Variants in FBXO25 observed in about 807,000 individuals in gnomAD.
The protein encoded by FBXO25 is F-box protein 25, also known as F-box only protein 25.
A neutral mutation model predicts 51.9 loss-of-function variants in FBXO25; 45 were observed. The observed-to-expected ratio is 0.87, with a 90% confidence interval of 0.68 to 1.11. FBXO25 has a LOEUF of 1.11. Among genes scored for constraint, FBXO25 ranks in the 50% most tolerant of loss-of-function variants. FBXO25 has a pLI of 0.00. For missense variants in FBXO25, 507 were observed against 428.5 expected, an observed-to-expected ratio of 1.18 and a Z score of -1.62; for synonymous variants, 199 against 151.0, an observed-to-expected ratio of 1.32 and a Z score of -2.33.
At position 470,630 on chromosome 8, in the gene FBXO25, C is replaced by T. The variant is rs1800452374; in HGVS notation, c.*1826C>T. ...GTTTGAGCTCAAGCAATCCACCTGC[C>T]TCAGCTTCCCAAAGTGCTGGGATTA... On this transcript the variant is annotated 3_prime_UTR_variant, in exon 10 of 10. Coordinates refer to ENST00000350302, the MANE Select transcript of FBXO25 (RefSeq NM_183420.2). 1 of 152,250 alleles carries T rather than the reference C, an allele frequency of 6.6e-6. No individual in the cohort carries two copies. Among genetic ancestry groups the T allele is most frequent in the Admixed American group, 6.5e-5 (1 of 15,288 alleles). 9.4% of individuals were successfully genotyped at this position (152,250 alleles called of 1,614,324 possible).
chr8:468,540 A>G (rs1800339690), intron 9 of FBXO25, among the ~76,000 whole-genome samples, 175 bp from the exon 10 acceptor site: 2 of 152,124 alleles, frequency 1.3e-5, no homozygotes, highest in South Asian at 4.2e-4. Flanking sequence ...ACCTCTATGT[A>G]GAATCGGCTG....
chr8:466,695 C>A (rs55753702), intron 9 of FBXO25, among the ~76,000 whole-genome samples: 1 of 151,886 alleles, frequency 6.6e-6, no homozygotes, highest in Non-Finnish European at 1.5e-5. Context: ...TGCTGTGGAG[C>A]CACTTCATCT....
intron 9 of FBXO25, among the ~76,000 whole-genome samples, chr8:463,738 C>G (rs1799965716): frequency 6.6e-6 from 1 of 152,148 alleles, no homozygotes; most frequent in African/African-American, 2.4e-5. Flanking sequence ...CCAGTTACTT[C>G]CTGTTCTCAC....
chr8:410,636 C>G (rs372142217), intron 1 of FBXO25, among the ~76,000 whole-genome samples: 2 of 152,206 alleles, frequency 1.3e-5, no homozygotes, highest in African/African-American at 4.8e-5. Flanking sequence ...CAGCTGTATG[C>G]TATTAGAGAC....
chr8:438,585 G>C (rs992764203), intron 5 of FBXO25, among the ~76,000 whole-genome samples: 1 of 152,190 alleles, frequency 6.6e-6, no homozygotes, highest in Non-Finnish European at 1.5e-5. Flanking sequence ...CAGATGTCCT[G>C]TTGGAGGCAT....
At chr8:434,454 AT>A (rs1797987652) in intron 4 of FBXO25, among the ~76,000 whole-genome samples, 1 of 152,232 alleles carries the variant, frequency 6.6e-6, no homozygotes, top group South Asian at 2.1e-4. Flanking sequence ...TGTTTTCCAC[AT>A]AGCAGGCAGT....
chr8:474,609 T>A lies in FBXO25; in HGVS notation c.*5805T>A, dbSNP rs1235427687. The A allele has an allele frequency of 5.0e-6, 2 of 400,246 alleles. No individual in the cohort carries two copies. Among genetic ancestry groups the A allele is most frequent in the African/African-American group, 4.2e-5 (2 of 47,788 alleles). 24.8% of individuals were successfully genotyped at this position (400,246 alleles called of 1,614,324 possible). On this transcript the variant is annotated 3_prime_UTR_variant, in exon 10 of 10. Coordinates refer to ENST00000350302, the MANE Select transcript of FBXO25 (RefSeq NM_183420.2). ...AGTGGTATCCTGCTGAGATTTTGAT[T>A]TGCATTTCCGTAATGACTGGTGATG...
At chr8:422,619 T>C (rs1004501706) in intron 2 of FBXO25, among the ~76,000 whole-genome samples, 2 of 152,214 alleles carry the variant, frequency 1.3e-5, no homozygotes, top group East Asian at 3.9e-4. Context: ...TTGGGGACAC[T>C]GTGTGTTCTG....
chr8:466,915 C>T (rs895752540), intron 9 of FBXO25, among the ~76,000 whole-genome samples: 1 of 152,146 alleles, frequency 6.6e-6, no homozygotes, highest in Non-Finnish European at 1.5e-5. Context: ...CAGTTAAAAA[C>T]TGTAGACTTG....
chr8:428,893 T>C (rs1797653371), intron 2 of FBXO25, among the ~76,000 whole-genome samples: 1 of 152,232 alleles, frequency 6.6e-6, no homozygotes, highest in African/African-American at 2.4e-5. Context: ...CTGAATAATA[T>C]TCCATATTGT....
At chr8:464,276 C>T (rs1364321932) in intron 9 of FBXO25, among the ~76,000 whole-genome samples, 1 of 152,232 alleles carries the variant, frequency 6.6e-6, no homozygotes, top group Non-Finnish European at 1.5e-5. Flanking sequence ...TTTTTCTTAA[C>T]ATGTTAATAT....
intron 9 of FBXO25, 148 bp downstream of exon 9, chr8:463,298 T>C: frequency 1.1e-6 from 1 of 901,382 alleles, no homozygotes; most frequent in Non-Finnish European, 1.7e-6. Flanking sequence ...AATATTGGGG[T>C]AGGGGAACAG....
In FBXO25 at chr8:475,417, T is replaced by G. The variant is rs780310421; in HGVS notation, c.*6613T>G. On this transcript the variant is annotated 3_prime_UTR_variant, in exon 10 of 10. Coordinates refer to ENST00000350302, the MANE Select transcript of FBXO25 (RefSeq NM_183420.2). ...TTCCCTTTCAAGATGATTTTGGCTG[T>G]GTGAGGTCTCTTGAGATTCCATATG... is the stretch of plus-strand genomic sequence containing the variant. 2 of 155,116 alleles carry G rather than the reference T, an allele frequency of 1.3e-5. No homozygotes were observed. Among genetic ancestry groups the G allele is most frequent in the African/African-American group, 4.8e-5 (2 of 41,420 alleles). 9.6% of individuals were successfully genotyped at this position (155,116 alleles called of 1,614,324 possible). A position where few individuals can be genotyped will look rare whatever the true frequency, so the allele number is the denominator to read the frequency against.
At chr8:427,075 A>C (rs2117570227) in intron 2 of FBXO25, among the ~76,000 whole-genome samples, 1 of 152,262 alleles carries the variant, frequency 6.6e-6, no homozygotes, top group Middle Eastern at 3.4e-3. Flanking sequence ...TTTGCCTACC[A>C]GGAGAAAATA....
At chr8:467,497 C>A (rs992119015) in intron 9 of FBXO25, among the ~76,000 whole-genome samples, 7 of 152,200 alleles carry the variant, frequency 4.6e-5, no homozygotes, top group Non-Finnish European at 1.0e-4. Flanking sequence ...AGACTGTCTT[C>A]AAGTAGTTTG....
chr8:451,139 T>C (rs1799060476), intron 6 of FBXO25, 130 bp from the exon 7 acceptor site: 1 of 684,332 alleles, frequency 1.5e-6, no homozygotes, highest in Non-Finnish European at 2.4e-6. Flanking sequence ...AATAATATTC[T>C]ATTGCATGTA....
intron 5 of FBXO25, among the ~76,000 whole-genome samples, chr8:442,524 C>A (rs1223761585): frequency 1.3e-5 from 2 of 152,096 alleles, no homozygotes; most frequent in African/African-American, 4.8e-5. Context: ...GGCTGGAGTG[C>A]AGTGGCATAA....
intron 2 of FBXO25, among the ~76,000 whole-genome samples, chr8:413,555 A>C (rs1437150814): frequency 6.6e-6 from 1 of 152,210 alleles, no homozygotes; most frequent in Non-Finnish European, 1.5e-5. Context: ...AGTGGCTTAC[A>C]CAAGACAAAT....
chr8:417,177 A>C (rs768323580), intron 2 of FBXO25, among the ~76,000 whole-genome samples: 1 of 152,222 alleles, frequency 6.6e-6, no homozygotes, highest in Non-Finnish European at 1.5e-5. Flanking sequence ...ACTGGGTCCC[A>C]GCTGTGAAGT....
Sources: allele counts gnomAD v4.1 joint callset (sites outside exome capture counted in the v4.1 genomes callset), GRCh38; gene constraint gnomAD v4.1.1; transcripts MANE v1.5; gene names NCBI Gene and HGNC (gene_info 2026-07-23, HGNC 2026-07-21).